The following ZNF703 variants were observed in gnomAD, a reference collection of about 807,000 sequenced individuals.
ZNF703 encodes the protein NocA-like zinc finger 1.
Under a neutral mutation model 30.7 loss-of-function variants are expected in ZNF703, and 18 were observed. That is an observed-to-expected ratio of 0.59 (90% CI 0.40 to 0.87). The LOEUF (loss-of-function observed/expected upper bound fraction) is 0.87. Ranked by LOEUF, ZNF703 falls within the 40% of genes least tolerant of loss-of-function variation. The probability of loss-of-function intolerance (pLI) is 0.00; values close to 1 mark genes in which losing one functional copy is unlikely to be tolerated. For missense variants in ZNF703, 814 were observed against 847.8 expected (o/e 0.96, Z 0.50); for synonymous variants, 457 against 438.6 (o/e 1.04, Z -0.52).
In ZNF703 at chr8:37,698,001, C is replaced by A; in HGVS notation, c.1100C>A (p.Ser367Tyr). 6.4e-7 allele frequency: 1 copy of A among 1,557,538 alleles called. No homozygotes were observed. The highest frequency in any genetic ancestry group is 2.3e-5 in the East Asian group (1 of 43,262). ...AGCTCCAGCCCGCTCACCGGGGCCT[C>A]CCCGCCCTCCTTCCTGCAGGGATTA... Reference protein sequence around the residue: ...PPSSSPLTGASPPSFLQGLCR... With the variant: ...PPSSSPLTGAYPPSFLQGLCR... The change falls in exon 2 of 2, where the codon TCC becomes TAC. Residue 367 changes from serine to tyrosine, a missense_variant. Physicochemically the swap from Ser to Tyr is moderately radical, Grantham distance 144. Coordinates refer to ENST00000331569, the MANE Select transcript of ZNF703 (RefSeq NM_025069.3).
Position 37,697,450 on chromosome 8 carries a change from C to G in ZNF703, c.549C>G (p.Ser183=). 1.3e-6 allele frequency: 2 copies of G among 1,543,042 alleles called. No homozygotes were observed. The highest frequency in any genetic ancestry group is 1.7e-6 in the Non-Finnish European group (2 of 1,146,124). Residue 183 remains serine (S), a synonymous_variant, in exon 2 of 2, where the codon TCC becomes TCG. Coordinates refer to ENST00000331569, the MANE Select transcript of ZNF703 (RefSeq NM_025069.3). ...TGTCTTCCACCTCCTCCTCGTCCTCCTCGTCCCCGGGAGACAAGGCGGGCT... is the reference window on the plus strand; with the variant it reads ...TGTCTTCCACCTCCTCCTCGTCCTCGTCGTCCCCGGGAGACAAGGCGGGCT... ...SSVSSTSSSS[S]SSPGDKAGFR...
chr8:37,696,358 G>A lies in ZNF703; in HGVS notation c.243+136G>A, dbSNP rs565518641. 7.2e-7 allele frequency: 1 copy of A among 1,388,068 alleles called. No individual in the cohort carries two copies. Among genetic ancestry groups the A allele is most frequent in the Non-Finnish European group, 9.5e-7 (1 of 1,057,530 alleles). The allele number at this position is 1,388,068 out of a possible 1,614,324, so 86.0% of individuals were successfully genotyped here. Reference sequence around the variant, plus strand: ...CACGCTGGCGGGCTGAGTGAGGAGGGGAAGAAAACCGAGGGATCAGAGCCC... The same window carrying A: ...CACGCTGGCGGGCTGAGTGAGGAGGAGAAGAAAACCGAGGGATCAGAGCCC... On this transcript the variant is annotated intron_variant, in intron 1 of 1. Transcript: ENST00000331569. This position sits in a 1 kb window ranked among gnomAD's most constrained non-coding sequence, Gnocchi z 8.2.
Position 37,695,937 on chromosome 8 carries a change from T to TCCCCCCCCC in ZNF703, c.-38_-37insCCCCCCCCC. On this transcript the variant is annotated 5_prime_UTR_variant, in exon 1 of 2. Transcript: ENST00000331569. ...CCCCGGGAGCTCGCCTCCCCGGTGC[T>TCCCCCCCCC]CCCCCGCCCTCCCCGCCCCCCCAGC... 4.4e-6 allele frequency: 6 copies of TCCCCCCCCC among 1,376,744 alleles called. No homozygotes were observed. Among genetic ancestry groups the TCCCCCCCCC allele is most frequent in the South Asian group, 3.0e-5 (2 of 67,014 alleles). The allele number at this position is 1,376,744 out of a possible 1,614,324, so 85.3% of individuals were successfully genotyped here.
rs923944757 is a variant in ZNF703 at position 37,695,994 on chromosome 8, C to T, written c.15C>T (p.Pro5=). 3.9e-6 allele frequency: 6 copies of T among 1,531,652 alleles called. No homozygotes were observed. The African/African-American group carries it at 7.0e-5, about 18-fold the overall frequency. 94.9% of individuals were successfully genotyped at this position (1,531,652 alleles called of 1,614,324 possible). The change falls in exon 1 of 2, where the codon CCC becomes CCT. Residue 5 remains proline, a synonymous_variant. Coordinates refer to ENST00000331569, the MANE Select transcript of ZNF703 (RefSeq NM_025069.3). Reference sequence around the variant, plus strand: ...GCCTCCTCCAAATGAGCGATTCGCCCGCTGGATCTAACCCAAGGACACCCG... The same window carrying T: ...GCCTCCTCCAAATGAGCGATTCGCCTGCTGGATCTAACCCAAGGACACCCG... The part of the protein sequence containing the change: MSDS[P]AGSNPRTPES...
chr8:37,695,915 C>CCGGG lies in ZNF703; in HGVS notation c.-65_-64insCGGG. On this transcript the variant is annotated 5_prime_UTR_variant, in exon 1 of 2. Transcript: ENST00000331569. ...CGCTGCGGAGCGAGCCCACCCGCCC[C>CCGGG]GGGAGCTCGCCTCCCCGGTGCTCCC... 3 of 1,321,426 alleles carry CCGGG rather than the reference C, an allele frequency of 2.3e-6. No individual in the cohort carries two copies. Among genetic ancestry groups the CCGGG allele is most frequent in the Non-Finnish European group, 3.0e-6 (3 of 1,004,416 alleles). 81.9% of individuals were successfully genotyped at this position (1,321,426 alleles called of 1,614,324 possible). A position where few individuals can be genotyped will look rare whatever the true frequency, so the allele number is the denominator to read the frequency against.
In ZNF703 at chr8:37,697,265, G is replaced by A. The variant is rs897308374; in HGVS notation, c.364G>A (p.Ala122Thr). 1.3e-6 allele frequency: 2 copies of A among 1,578,358 alleles called. No homozygotes were observed. The highest frequency in any genetic ancestry group is 1.1e-5 in the South Asian group (1 of 87,190). The stretch of plus-strand genomic sequence containing the variant: ...GGCGGCGGCGGCCAACGGGCTGGGA[G>A]CGGAGAAGGACCCCGGCCGCTCAGC... ...SVAAAANGLG[A>T]EKDPGRSAPG... Residue 122 changes from alanine (A) to threonine (T), a missense_variant, in exon 2 of 2, where the codon GCG (alanine) becomes ACG (threonine). By Grantham distance (58) the Ala-to-Thr change is moderately conservative. Transcript: ENST00000331569.
Position 37,697,972 on chromosome 8 carries a change from C to A in ZNF703, c.1071C>A (p.Pro357=), listed in dbSNP as rs956180972. Residue 357 remains proline (P), a synonymous_variant, in exon 2 of 2, where the codon CCC becomes CCA. Coordinates refer to ENST00000331569, the MANE Select transcript of ZNF703 (RefSeq NM_025069.3). ...GCCTGGGCCTGCCGCCGGGCAAGCC[C>A]CCCAGCTCCAGCCCGCTCACCGGGG... is the stretch of plus-strand genomic sequence containing the variant. ...SGGLGLPPGK[P]PSSSPLTGAS... 6.4e-7 allele frequency: 1 copy of A among 1,561,700 alleles called. No homozygotes were observed. Among genetic ancestry groups the A allele is most frequent in the Non-Finnish European group, 8.6e-7 (1 of 1,160,748 alleles).
Position 37,698,346 on chromosome 8 carries a change from G to T in ZNF703, c.1445G>T (p.Arg482Leu). The change falls in exon 2 of 2, where the codon CGG becomes CTG. Residue 482 changes from arginine to leucine, a missense_variant. Transcript: ENST00000331569. ...TCGGAGGAGCTGCTCAGCCACCTAC[G>T]GACCCACACGGCCCTGCCGGGAGCC... Reference protein sequence around the residue: ...ATSEELLSHLRTHTALPGAEK... With the variant: ...ATSEELLSHLLTHTALPGAEK... 6.5e-7 allele frequency: 1 copy of T among 1,537,782 alleles called. No individual in the cohort carries two copies. Among genetic ancestry groups the T allele is most frequent in the Non-Finnish European group, 8.7e-7 (1 of 1,143,322 alleles).
In ZNF703 at chr8:37,695,910, C is replaced by A; in HGVS notation, c.-70C>A. The A allele has an allele frequency of 1.5e-6, 2 of 1,311,864 alleles. No individual in the cohort carries two copies. Among genetic ancestry groups the A allele is most frequent in the Non-Finnish European group, 1.0e-6 (1 of 997,082 alleles). 81.3% of individuals were successfully genotyped at this position (1,311,864 alleles called of 1,614,324 possible). ...ATCGACGCTGCGGAGCGAGCCCACC[C>A]GCCCCGGGAGCTCGCCTCCCCGGTG... is the stretch of plus-strand genomic sequence containing the variant. On this transcript the variant is annotated 5_prime_UTR_variant, in exon 1 of 2. Transcript: ENST00000331569.
At position 37,695,888 on chromosome 8, in the gene ZNF703, G is replaced by A; in HGVS notation, c.-92G>A. The A allele has an allele frequency of 8.2e-7, 1 of 1,220,526 alleles. No homozygotes were observed. The highest frequency in any genetic ancestry group is 1.1e-6 in the Non-Finnish European group (1 of 931,778). The allele number at this position is 1,220,526 out of a possible 1,614,324, so 75.6% of individuals were successfully genotyped here. A position where few individuals can be genotyped will look rare whatever the true frequency, so the allele number is the denominator to read the frequency against. On this transcript the variant is annotated 5_prime_UTR_variant, in exon 1 of 2. Coordinates refer to ENST00000331569, the MANE Select transcript of ZNF703 (RefSeq NM_025069.3). The stretch of plus-strand genomic sequence containing the variant: ...GCGCAGCTCCCGCTGCACCGCGATC[G>A]ACGCTGCGGAGCGAGCCCACCCGCC...
rs1585876535 is a variant in ZNF703, at chr8:37,697,986, C to G, written c.1085C>G (p.Pro362Arg). ...CCGGGCAAGCCCCCCAGCTCCAGCCCGCTCACCGGGGCCTCCCCGCCCTCC... is the reference window on the plus strand; with the variant it reads ...CCGGGCAAGCCCCCCAGCTCCAGCCGGCTCACCGGGGCCTCCCCGCCCTCC... ...LPPGKPPSSS[P>R]LTGASPPSFL... Residue 362 changes from proline (P) to arginine (R), a missense_variant, in exon 2 of 2, where the codon CCG (proline) becomes CGG (arginine). Pro to Arg is a moderately radical substitution (Grantham distance 103). Transcript: ENST00000331569. The G allele has an allele frequency of 3.8e-6, 6 of 1,562,256 alleles. No homozygotes were observed. The highest frequency in any genetic ancestry group is 5.2e-6 in the Non-Finnish European group (6 of 1,160,782).
rs1563299345 is a variant in ZNF703 at position 37,698,235 on chromosome 8, A to G, written c.1334A>G (p.Tyr445Cys). ...CTCCCCGGCCACCCGCTCTACACCT[A>G]CGGCTTCATGCTGCAGAACGAACCG... The part of the protein sequence containing the change: ...AALPGHPLYT[Y>C]GFMLQNEPLP... The change falls in exon 2 of 2, where the codon TAC becomes TGC. Residue 445 changes from tyrosine to cysteine, a missense_variant. Coordinates refer to ENST00000331569, the MANE Select transcript of ZNF703 (RefSeq NM_025069.3). The G allele has an allele frequency of 5.2e-6, 8 of 1,537,924 alleles. No homozygotes were observed. Among genetic ancestry groups the G allele is most frequent in the Non-Finnish European group, 7.0e-6 (8 of 1,148,286 alleles).
In ZNF703 at chr8:37,697,170, C is replaced by T. The variant is rs941059164; in HGVS notation, c.269C>T (p.Ala90Val). 6.3e-7 allele frequency: 1 copy of T among 1,584,002 alleles called. No homozygotes were observed. The highest frequency in any genetic ancestry group is 8.6e-7 in the Non-Finnish European group (1 of 1,168,406). ...IELDAKKSPL[A>V]LLAQTCSQIG... ...CTGGACGCCAAGAAGAGCCCCTTGG[C>T]GCTGCTGGCTCAGACCTGCTCGCAG... is the stretch of plus-strand genomic sequence containing the variant. Residue 90 changes from alanine (A) to valine (V), a missense_variant, in exon 2 of 2, where the codon GCG becomes GTG. Physicochemically the swap from Ala to Val is moderately conservative, Grantham distance 64. Coordinates refer to ENST00000331569, the MANE Select transcript of ZNF703 (RefSeq NM_025069.3).
intron 1 of ZNF703, 40 bp from the exon 2 acceptor site, chr8:37,697,105 T>G: frequency 1.4e-6 from 2 of 1,470,860 alleles, no homozygotes; most frequent in Admixed American, 2.5e-5. Context: ...GGCCTCTGAG[T>G]CTCACTCCTT....
rs1585876668 is a variant in ZNF703, at chr8:37,698,119, G to A, written c.1218G>A (p.Gly406=). Residue 406 remains glycine, a synonymous_variant, in exon 2 of 2, where the codon GGG becomes GGA. Coordinates refer to ENST00000331569, the MANE Select transcript of ZNF703 (RefSeq NM_025069.3). Reference sequence around the variant, plus strand: ...CCTGCAGCGCGCACGACCCTGCCGGGCCCAGCCTGAAGGCGGGGGGCTACC... The same window carrying A: ...CCTGCAGCGCGCACGACCCTGCCGGACCCAGCCTGAAGGCGGGGGGCTACC... ...CSTCSAHDPA[G]PSLKAGGYPL... is the part of the protein sequence containing the mutation. 3 of 1,482,152 alleles carry A rather than the reference G, an allele frequency of 2.0e-6. No individual in the cohort carries two copies. The East Asian group carries it at 7.4e-5, about 36-fold the overall frequency. The allele number at this position is 1,482,152 out of a possible 1,614,324, so 91.8% of individuals were successfully genotyped here. A position where few individuals can be genotyped will look rare whatever the true frequency, so the allele number is the denominator to read the frequency against.
At position 37,696,279 on chromosome 8, in the gene ZNF703, G is replaced by A. The variant is rs923548583; in HGVS notation, c.243+57G>A. On this transcript the variant is annotated intron_variant, in intron 1 of 1. Coordinates refer to ENST00000331569, the MANE Select transcript of ZNF703 (RefSeq NM_025069.3). This position sits in a 1 kb window ranked among gnomAD's most constrained non-coding sequence, Gnocchi z 8.2. Reference sequence around the variant, plus strand: ...GCCCCATTCCTCCCACCGCGACCGGGACCCTGACCCAGCTCCCAGCGCCCC... The same window carrying A: ...GCCCCATTCCTCCCACCGCGACCGGAACCCTGACCCAGCTCCCAGCGCCCC... 18 of 1,509,598 alleles carry A rather than the reference G, an allele frequency of 1.2e-5. No homozygotes were observed. The highest frequency in any genetic ancestry group is 1.5e-5 in the Non-Finnish European group (17 of 1,126,324). 93.5% of individuals were successfully genotyped at this position (1,509,598 alleles called of 1,614,324 possible).
chr8:37,699,305 G>T lies in ZNF703; in HGVS notation c.*631G>T, dbSNP rs1296131523. The T allele has an allele frequency of 6.6e-6, 1 of 152,274 alleles. No homozygotes were observed. Among genetic ancestry groups the T allele is most frequent in the Non-Finnish European group, 1.5e-5 (1 of 68,142 alleles). 9.4% of individuals were successfully genotyped at this position (152,274 alleles called of 1,614,324 possible). ...TGGGGGTGGAGGGGGCCACCTGGGT[G>T]GCAGGGGCCCTGGAGCTCTATTGAC... On this transcript the variant is annotated 3_prime_UTR_variant, in exon 2 of 2. Coordinates refer to ENST00000331569, the MANE Select transcript of ZNF703 (RefSeq NM_025069.3).
Position 37,695,915 on chromosome 8 carries a change from C to CG in ZNF703, c.-62dup. The CG allele has an allele frequency of 7.6e-7, 1 of 1,321,440 alleles. No individual in the cohort carries two copies. Among genetic ancestry groups the CG allele is most frequent in the Non-Finnish European group, 1.0e-6 (1 of 1,004,428 alleles). 81.9% of individuals were successfully genotyped at this position (1,321,440 alleles called of 1,614,324 possible). A position where few individuals can be genotyped will look rare whatever the true frequency, so the allele number is the denominator to read the frequency against. On this transcript the variant is annotated 5_prime_UTR_variant, in exon 1 of 2. Coordinates refer to ENST00000331569, the MANE Select transcript of ZNF703 (RefSeq NM_025069.3). ...CGCTGCGGAGCGAGCCCACCCGCCC[C>CG]GGGAGCTCGCCTCCCCGGTGCTCCC...
rs1409056648 is a variant in ZNF703, at chr8:37,699,568, C to T, written c.*894C>T. ...TGCGCCTGTCGGGGCACCTGGAGCG[C>T]TCACCTGGTTGAATTCAAAGTCCCA... On this transcript the variant is annotated 3_prime_UTR_variant, in exon 2 of 2. Transcript: ENST00000331569. The T allele has an allele frequency of 6.6e-6, 1 of 152,298 alleles. No homozygotes were observed. The highest frequency in any genetic ancestry group is 6.5e-5 in the Admixed American group (1 of 15,288). The allele number at this position is 152,298 out of a possible 1,614,324, so 9.4% of individuals were successfully genotyped here.
Sources: gnomAD v4.1 joint callset for allele counts on GRCh38, gnomAD v4.1.1 for gene constraint, Gnocchi (gnomAD v3.1) non-coding constraint, MANE v1.5 for transcripts, NCBI Gene and HGNC (gene_info 2026-07-23, HGNC 2026-07-21) for gene names.